Variants in ZHX3 observed in about 807,000 individuals in gnomAD.
The protein encoded by ZHX3 is zinc fingers and homeoboxes protein 3.
Under a neutral mutation model 64.5 loss-of-function variants are expected in ZHX3, and 20 were observed. The observed-to-expected ratio is 0.31, with a 90% CI of 0.22 to 0.45. The LOEUF (loss-of-function observed/expected upper bound fraction) is 0.45, where lower values mean the gene tolerates loss of function less well. Among genes scored for constraint, ZHX3 ranks in the 20% least tolerant of loss-of-function variants. ZHX3 has a pLI of 1.00. For missense variants in ZHX3, 1,041 were observed against 1,195.8 expected (o/e 0.87, Z 1.91); for synonymous variants, 423 against 461.6 (o/e 0.92, Z 1.07).
intron 3 of ZHX3, among the ~76,000 whole-genome samples, chr20:41,198,635 A>G (rs1026751888): frequency 6.6e-6 from 1 of 151,984 alleles, no homozygotes; most frequent in Non-Finnish European, 1.5e-5. Context: ...TCCTGTCTTC[A>G]GGTTTTGACA....
intron 3 of ZHX3, among the ~76,000 whole-genome samples, chr20:41,198,248 G>A (rs370169180): frequency 4.6e-5 from 7 of 151,886 alleles, no homozygotes; most frequent in African/African-American, 1.2e-4. Context: ...CACCCGCCTC[G>A]GCCTCCCAAA....
intron 1 of ZHX3, among the ~76,000 whole-genome samples, chr20:41,283,447 A>G (rs559044414): frequency 3.3e-5 from 5 of 152,294 alleles, no homozygotes; most frequent in African/African-American, 1.2e-4. Context: ...CTGGGGAGAC[A>G]GTCACTGAAC....
At chr20:41,249,257 G>GT (rs2041870794) in intron 2 of ZHX3, among the ~76,000 whole-genome samples, 1 of 151,906 alleles carries the variant, frequency 6.6e-6, no homozygotes, top group Non-Finnish European at 1.5e-5. Context: ...AAATCTCATA[G>GT]TTAAGTCACA....
chr20:41,242,321 C>G (rs1176552576), intron 2 of ZHX3, among the ~76,000 whole-genome samples: 1 of 152,198 alleles, frequency 6.6e-6, no homozygotes, highest in Non-Finnish European at 1.5e-5. Context: ...CAGGCAACAG[C>G]AAGGATTCAA....
At chr20:41,304,250 T>C (rs916659369) in intron 1 of ZHX3, among the ~76,000 whole-genome samples, 8 of 152,202 alleles carry the variant, frequency 5.3e-5, no homozygotes, top group African/African-American at 1.9e-4. Context: ...CTATACTTTC[T>C]GTTTGAAATC....
chr20:41,306,337 C>A (rs1364757618), intron 1 of ZHX3, among the ~76,000 whole-genome samples: 1 of 152,186 alleles, frequency 6.6e-6, no homozygotes, highest in Non-Finnish European at 1.5e-5. Context: ...CTCATCCAGT[C>A]TTAGAAAAAT....
rs367679416 is a variant in ZHX3 at position 41,238,529 on chromosome 20, A to G, written c.-151+30461T>C. Among the ~76,000 whole-genome samples, 5 of 152,226 alleles carry G rather than the reference A, an allele frequency of 3.3e-5. No homozygotes were observed. In the East Asian group the frequency reaches 7.7e-4, roughly 23 times the overall value. On this transcript the variant is annotated intron_variant, in intron 2 of 3. Transcript: ENST00000683867. ...TGCAAAAAACAACATCTTTTTGGAC[A>G]AATTTACATGATGCTTCTAACATCT... is the stretch of plus-strand genomic sequence containing the variant.
chr20:41,202,094 G>A lies in ZHX3; in HGVS notation c.2823C>T (p.Pro941=). The A allele has an allele frequency of 1.2e-6, 2 of 1,611,796 alleles. No homozygotes were observed. Among genetic ancestry groups the A allele is most frequent in the Non-Finnish European group, 1.7e-6 (2 of 1,178,824 alleles). Residue 941 remains proline (P), a synonymous_variant, in exon 3 of 4, where the codon CCC becomes CCT. Coordinates refer to ENST00000683867, the MANE Select transcript of ZHX3 (RefSeq NM_001384317.1). The surrounding 1 kb of genome is among the most constrained non-coding windows in gnomAD (Gnocchi z 7.0). Reference sequence around the variant, plus strand: ...CAGCCTGGGGACTCGATGTGTCAAAGGGCTCTGAGCTGGCCTCAGGGACAC... The same window carrying A: ...CAGCCTGGGGACTCGATGTGTCAAAAGGCTCTGAGCTGGCCTCAGGGACAC... ...EPRVPEASSE[P]FDTSSPQAGR...
At chr20:41,272,066 G>A (rs745965593) in intron 1 of ZHX3, 4 of 152,034 alleles carry the variant, frequency 2.6e-5, no homozygotes, top group Non-Finnish European at 4.4e-5. Context: ...ATTAAATGAA[G>A]GAAACAATAT....
intron 2 of ZHX3, among the ~76,000 whole-genome samples, chr20:41,210,320 C>T (rs1386096488): frequency 6.6e-6 from 1 of 152,186 alleles, no homozygotes; most frequent in East Asian, 1.9e-4. Context: ...CTAGAAATAC[C>T]ATTTGACCCA....
chr20:41,188,700 C>G (rs1357612834), intron 3 of ZHX3: 1 of 152,146 alleles, frequency 6.6e-6, no homozygotes, highest in Non-Finnish European at 1.5e-5. Context: ...TGTGCCCCAC[C>G]TTTTGCCCAC....
chr20:41,313,162 C>T (rs778487397), intron 1 of ZHX3, among the ~76,000 whole-genome samples: 16 of 152,274 alleles, frequency 1.1e-4, no homozygotes, highest in Non-Finnish European at 1.3e-4. Flanking sequence ...TACTAACTAA[C>T]AGTGAGACGG....
intron 2 of ZHX3, among the ~76,000 whole-genome samples, chr20:41,248,296 T>C (rs2041813102): frequency 6.6e-6 from 1 of 152,210 alleles, no homozygotes; most frequent in Admixed American, 6.5e-5. Context: ...GTGCCTGTCA[T>C]ACAACGATTT....
intron 3 of ZHX3, among the ~76,000 whole-genome samples, chr20:41,197,322 CAT>C (rs1407787763): frequency 9.1e-6 from 1 of 109,892 alleles, no homozygotes; most frequent in Non-Finnish European, 2.1e-5. Flanking sequence ...ATTTAAAATA[CAT>C]ATATATTTTA....
chr20:41,299,633 A>AG lies in ZHX3; in HGVS notation c.-245+17875dup, dbSNP rs1386111531. Among the ~76,000 whole-genome samples, 5 of 152,242 alleles carry AG rather than the reference A, an allele frequency of 3.3e-5. No individual in the cohort carries two copies. The East Asian group carries it at 9.6e-4, about 29-fold the overall frequency. On this transcript the variant is annotated intron_variant, in intron 1 of 3. Transcript: ENST00000683867. ...TCTCAGCACTTTGGGAGGCTGAGGC[A>AG]GGTGGATCACTTGAGGTCATGAGTT...
chr20:41,282,419 C>T (rs2043732152), intron 1 of ZHX3, among the ~76,000 whole-genome samples: 2 of 129,740 alleles, frequency 1.5e-5, no homozygotes, highest in African/African-American at 6.0e-5. Context: ...AGAACAGCGG[C>T]GCTATCTTGG....
intron 2 of ZHX3, among the ~76,000 whole-genome samples, chr20:41,243,057 G>C (rs2041482512): frequency 1.3e-5 from 2 of 152,168 alleles, no homozygotes; most frequent in African/African-American, 4.8e-5. Context: ...CAGACTTCTG[G>C]GTACCCAGGT....
rs2045266968 is a variant in ZHX3 at position 41,315,580 on chromosome 20, C to G, written c.-245+1929G>C. On this transcript the variant is annotated intron_variant, in intron 1 of 3. Coordinates refer to ENST00000683867, the MANE Select transcript of ZHX3 (RefSeq NM_001384317.1). ...GCCTGGCAGGCCACAGCAAGGCCTT[C>G]AGAGTTTACTTTAAGACAAAAAGCT... Among the ~76,000 whole-genome samples, 3 of 151,990 alleles carry G rather than the reference C, an allele frequency of 2.0e-5. No individual in the cohort carries two copies. In the South Asian group the frequency reaches 6.2e-4, roughly 32 times the overall value.
intron 1 of ZHX3, among the ~76,000 whole-genome samples, chr20:41,271,102 C>G (rs890419329): frequency 2.6e-5 from 4 of 152,176 alleles, no homozygotes; most frequent in African/African-American, 4.8e-5. Flanking sequence ...CTCACTGCAA[C>G]CTCCGCCTCC....
Sources: allele counts gnomAD v4.1 joint callset (sites outside exome capture counted in the v4.1 genomes callset), GRCh38; gene constraint gnomAD v4.1.1; non-coding constraint Gnocchi (gnomAD v3.1); transcripts MANE v1.5; gene names NCBI Gene and HGNC (gene_info 2026-07-23, HGNC 2026-07-21).